CSMD1: variants seen among roughly 807,000 people sequenced by gnomAD.
The protein encoded by CSMD1 is CUB and sushi domain-containing protein 1.
A neutral mutation model predicts 417.5 loss-of-function variants in CSMD1; 213 were observed. The observed-to-expected ratio is 0.51, with a 90% confidence interval of 0.46 to 0.57. The LOEUF is 0.57. CSMD1 is among the 20% of genes least tolerant of loss of function. The pLI is 0.00. For synonymous variants in CSMD1, 2,862 were observed against 1,736.8 expected (o/e 1.65, Z -16.11); for missense variants, 6,923 against 4,529.7 (o/e 1.53, Z -15.17).
intron 3 of CSMD1, among the ~76,000 whole-genome samples, chr8:4,352,706 G>A (rs905131025): frequency 6.6e-6 from 1 of 152,180 alleles, no homozygotes; most frequent in African/African-American, 2.4e-5. Flanking sequence ...TTACTTTCAA[G>A]AACACAAATA....
chr8:4,779,015 G>T (rs1253890242), intron 1 of CSMD1, among the ~76,000 whole-genome samples: 2 of 152,182 alleles, frequency 1.3e-5, no homozygotes, highest in Non-Finnish European at 2.9e-5. Flanking sequence ...GGTATGCAAT[G>T]ACCAGATTGA....
intron 5 of CSMD1, among the ~76,000 whole-genome samples, chr8:3,850,443 C>G (rs535457816): frequency 3.9e-5 from 6 of 152,310 alleles, no homozygotes; most frequent in African/African-American, 1.4e-4. Context: ...GCCTTTAATT[C>G]CAGCATTTTG....
At chr8:4,849,337 T>C (rs1202177822) in intron 1 of CSMD1, among the ~76,000 whole-genome samples, 2 of 152,032 alleles carry the variant, frequency 1.3e-5, no homozygotes, top group South Asian at 2.1e-4. Flanking sequence ...AAAAAAGTAA[T>C]AAGGTGAAGT....
chr8:4,035,721 G>C (rs371901370), intron 3 of CSMD1, among the ~76,000 whole-genome samples: 1 of 152,166 alleles, frequency 6.6e-6, no homozygotes. Flanking sequence ...TATTATTACG[G>C]AAGAGTCAAA....
At chr8:4,610,195 T>C (rs1174839688) in intron 2 of CSMD1, among the ~76,000 whole-genome samples, 7 of 152,138 alleles carry the variant, frequency 4.6e-5, no homozygotes, top group African/African-American at 9.7e-5. Flanking sequence ...AACTAGGATG[T>C]AAACAAGACT....
At chr8:4,841,483 C>T (rs1216511459) in intron 1 of CSMD1, among the ~76,000 whole-genome samples, 2 of 152,096 alleles carry the variant, frequency 1.3e-5, no homozygotes, top group Non-Finnish European at 2.9e-5. Flanking sequence ...AAAGGAAATA[C>T]CACTGGACAA....
chr8:3,184,585 C>T (rs963305416), intron 36 of CSMD1, among the ~76,000 whole-genome samples: 1 of 152,196 alleles, frequency 6.6e-6, no homozygotes, highest in Non-Finnish European at 1.5e-5. Context: ...GTTCTGCACA[C>T]AAAATAACCT....
intron 1 of CSMD1, among the ~76,000 whole-genome samples, chr8:4,783,128 A>G (rs1452506818): frequency 6.6e-6 from 1 of 152,234 alleles, no homozygotes; most frequent in East Asian, 1.9e-4. Context: ...TTAACATGTC[A>G]TATGTAATCA....
intron 10 of CSMD1, among the ~76,000 whole-genome samples, chr8:3,511,436 T>G (rs1797062827): frequency 6.6e-6 from 1 of 151,552 alleles, no homozygotes; most frequent in Admixed American, 6.6e-5. Flanking sequence ...GTACCTATCC[T>G]CCAAAAGAAG....
At chr8:3,353,981 A>G (rs924731) in intron 21 of CSMD1, among the ~76,000 whole-genome samples, 110,094 of 152,100 alleles carry the variant, frequency 0.72, 40,866 homozygotes, top group South Asian at 0.87. Context: ...CTGCTGTAAC[A>G]AAGTACCACA....
At chr8:3,835,660 A>C (rs1015110347) in intron 5 of CSMD1, among the ~76,000 whole-genome samples, 2 of 151,706 alleles carry the variant, frequency 1.3e-5, no homozygotes, top group South Asian at 2.1e-4. Flanking sequence ...ATGTATACAT[A>C]TGTAACAAAC....
chr8:4,767,057 C>T (rs1393211790), intron 1 of CSMD1, among the ~76,000 whole-genome samples: 1 of 152,096 alleles, frequency 6.6e-6, no homozygotes, highest in African/African-American at 2.4e-5. Flanking sequence ...GGAAATACTG[C>T]TTTATAATGT....
chr8:4,167,002 G>A (rs543306364), intron 3 of CSMD1, among the ~76,000 whole-genome samples: 68 of 152,344 alleles, frequency 4.5e-4, no homozygotes, highest in African/African-American at 1.6e-3. Flanking sequence ...TGTGCTGGGT[G>A]TTTGTGAAAT....
At chr8:3,373,581 GAA>G (rs770081522) in intron 18 of CSMD1, 20 of 152,158 alleles carry the variant, frequency 1.3e-4, no homozygotes, top group Non-Finnish European at 2.4e-4. Context: ...TGAAATACCT[GAA>G]TTACATTTTA....
At chr8:3,355,429 GTTA>G (rs767296096) in intron 21 of CSMD1, among the ~76,000 whole-genome samples, 12 of 152,118 alleles carry the variant, frequency 7.9e-5, no homozygotes, top group Non-Finnish European at 1.6e-4. Context: ...TTCAGTTTTT[GTTA>G]TTATTCAAAA....
intron 1 of CSMD1, among the ~76,000 whole-genome samples, chr8:4,749,512 C>A (rs745918362): frequency 5.3e-5 from 8 of 152,118 alleles, no homozygotes; most frequent in Non-Finnish European, 8.8e-5. Context: ...GTGGTTAGCA[C>A]GTGTATTATT....
At chr8:4,327,802 A>G (rs1799644320) in intron 3 of CSMD1, among the ~76,000 whole-genome samples, 1 of 152,222 alleles carries the variant, frequency 6.6e-6, no homozygotes, top group South Asian at 2.1e-4. Context: ...TTTTCTTGCT[A>G]AAATGTCTCC....
At chr8:3,106,700 G>T in intron 45 of CSMD1, 59 bp from the exon 46 acceptor site, 1 of 954,350 alleles carries the variant, frequency 1.0e-6, no homozygotes. Context: ...GTGTGTGAAG[G>T]TGTGACACAT....
chr8:3,446,749 G>A lies in CSMD1; in HGVS notation c.1561+21963C>T, dbSNP rs551076915. 3.9e-5 allele frequency among the ~76,000 whole-genome samples: 6 copies of A among 152,332 alleles called. No homozygotes were observed. In the South Asian group the frequency reaches 1.0e-3, roughly 26 times the overall value. ...AAAGTGCAAAAATGCATAGGATGAGGTTATCTAGACTTCGGAATCCTGACG... is the reference window on the plus strand; with the variant it reads ...AAAGTGCAAAAATGCATAGGATGAGATTATCTAGACTTCGGAATCCTGACG... On this transcript the variant is annotated intron_variant, in intron 12 of 69. Transcript: ENST00000635120.
Sources: allele counts gnomAD v4.1 joint callset (sites outside exome capture counted in the v4.1 genomes callset), GRCh38; gene constraint gnomAD v4.1.1; transcripts MANE v1.5; gene names NCBI Gene and HGNC (gene_info 2026-07-23, HGNC 2026-07-21).